SLC9D1: variants seen among roughly 807,000 people sequenced by gnomAD.
The protein encoded by SLC9D1 is solute carrier family 9 member D1.
the SLC9D1 span, among the ~76,000 whole-genome samples, chr13:113,522,860 G>A: frequency 3.9e-5 from 6 of 152,010 alleles, no homozygotes; most frequent in Admixed American, 2.6e-4. Flanking sequence ...TTGAACTCCC[G>A]ACATTGTGAT....
chr13:113,543,309 C>T, the SLC9D1 span, among the ~76,000 whole-genome samples: 3 of 5,026 alleles, frequency 6.0e-4, no homozygotes, highest in Middle Eastern at 0.05. Flanking sequence ...CCTCCTCCCC[C>T]TGCCCCCGCC....
At chr13:113,515,773 C>T in the SLC9D1 span, among the ~76,000 whole-genome samples, 1 of 151,638 alleles carries the variant, frequency 6.6e-6, no homozygotes, top group Admixed American at 6.6e-5. Flanking sequence ...CGCCTGTAGT[C>T]CCAGCCACTC....
the SLC9D1 span, among the ~76,000 whole-genome samples, chr13:113,515,890 CA>C: frequency 0.29 from 23,422 of 79,846 alleles, 884 homozygotes; most frequent in African/African-American, 0.4. Flanking sequence ...GACTCCGTCC[CA>C]AAAAAAAAAA....
At chr13:113,549,312 A>C in the SLC9D1 span, 1 of 1,201,626 alleles carries the variant, frequency 8.3e-7, no homozygotes. Flanking sequence ...CAGCCTCAGG[A>C]CTCTAGCTTT....
chr13:113,512,174 T>C, the SLC9D1 span, among the ~76,000 whole-genome samples: 2 of 130,046 alleles, frequency 1.5e-5, no homozygotes, highest in African/African-American at 2.9e-5. Flanking sequence ...GGGCCGGGAC[T>C]GGAGAGGCAG....
the SLC9D1 span, chr13:113,539,440 C>A: frequency 6.2e-7 from 1 of 1,613,598 alleles, no homozygotes; most frequent in South Asian, 1.1e-5. This position sits in a 1 kb window ranked among gnomAD's most constrained non-coding sequence, Gnocchi z 4.8. Context: ...CCGTGGTCAC[C>A]GAGGAGATCG....
At chr13:113,515,162 T>C in the SLC9D1 span, among the ~76,000 whole-genome samples, 3 of 152,248 alleles carry the variant, frequency 2.0e-5, no homozygotes, top group Admixed American at 1.3e-4. Context: ...ATACATATCC[T>C]AGAAAATTCT....
At chr13:113,509,831 C>T in the SLC9D1 span, among the ~76,000 whole-genome samples, 3 of 152,296 alleles carry the variant, frequency 2.0e-5, no homozygotes, top group Admixed American at 6.5e-5. Context: ...ACTATAGAGC[C>T]GCTTCGAATG....
chr13:113,538,353 C>T, the SLC9D1 span, among the ~76,000 whole-genome samples: 8 of 152,286 alleles, frequency 5.3e-5, no homozygotes, highest in East Asian at 1.9e-4. Context: ...CACCTGCCCT[C>T]GGCTGCACCG....
the SLC9D1 span, among the ~76,000 whole-genome samples, chr13:113,522,375 C>G: frequency 6.6e-6 from 1 of 152,222 alleles, no homozygotes; most frequent in Non-Finnish European, 1.5e-5. Context: ...GAGTCTCGCT[C>G]TGTCGCCCAG....
the SLC9D1 span, among the ~76,000 whole-genome samples, chr13:113,526,069 C>T: frequency 2.6e-5 from 4 of 151,818 alleles, no homozygotes; most frequent in African/African-American, 7.3e-5. Flanking sequence ...CCGTCGTCGT[C>T]GTAGGAGACG....
At chr13:113,549,681 C>T in the SLC9D1 span, 4 of 970,452 alleles carry the variant, frequency 4.1e-6, no homozygotes, top group Non-Finnish European at 6.7e-6. Flanking sequence ...CGTGTTATCC[C>T]GGCTTTTACA....
At chr13:113,530,143 C>A in the SLC9D1 span, 1 of 152,246 alleles carries the variant, frequency 6.6e-6, no homozygotes, top group East Asian at 1.9e-4. Flanking sequence ...TCCATTCATA[C>A]CAACGTCCAG....
At chr13:113,515,658 G>C in the SLC9D1 span, among the ~76,000 whole-genome samples, 86 of 152,048 alleles carry the variant, frequency 5.7e-4, no homozygotes, top group Non-Finnish European at 1.0e-3. Context: ...TTGGGAGGCC[G>C]AGGCGGGCGG....
the SLC9D1 span, among the ~76,000 whole-genome samples, chr13:113,545,173 G>A: frequency 1.3e-5 from 2 of 152,240 alleles, no homozygotes; most frequent in Non-Finnish European, 2.9e-5. Context: ...TGGTGCCTGT[G>A]CAGGCAGCGT....
At chr13:113,549,916 A>G in the SLC9D1 span, 6 of 494,610 alleles carry the variant, frequency 1.2e-5, no homozygotes, top group African/African-American at 8.0e-5. Flanking sequence ...TTAAAAATGT[A>G]CAACTTCAGA....
chr13:113,533,933 T>G, the SLC9D1 span: 2 of 779,726 alleles, frequency 2.6e-6, no homozygotes, highest in African/African-American at 3.5e-5. Context: ...ATGTGTATGA[T>G]TCAGGTAATT....
chr13:113,509,247 C>A, the SLC9D1 span, among the ~76,000 whole-genome samples: 307 of 83,688 alleles, frequency 3.7e-3, 3 homozygotes, highest in Middle Eastern at 0.017. Context: ...GTCCCCCTGG[C>A]GCTGCCTGTC....
At chr13:113,541,451 A>G in the SLC9D1 span, among the ~76,000 whole-genome samples, 1 of 142,686 alleles carries the variant, frequency 7.0e-6, no homozygotes, top group African/African-American at 2.8e-5. Context: ...TGTGGATGAT[A>G]CGCACACGAT....
Sources: allele counts gnomAD v4.1 joint callset (sites outside exome capture counted in the v4.1 genomes callset), GRCh38; gene constraint gnomAD v4.1.1; non-coding constraint Gnocchi (gnomAD v3.1); transcripts MANE v1.5; gene names NCBI Gene and HGNC (gene_info 2026-07-23, HGNC 2026-07-21).